AGBL4: variants seen among roughly 807,000 people sequenced by gnomAD.
The protein encoded by AGBL4 is cytosolic carboxypeptidase 6.
In AGBL4, 58 loss-of-function variants were observed where a neutral mutation model predicts 66.4. The ratio of observed to expected loss-of-function variants is 0.87; its 90% CI spans 0.71 to 1.09. The LOEUF is 1.09. Ranked by LOEUF, AGBL4 falls within the 50% of genes least tolerant of loss-of-function variation. The pLI is 0.00. For missense variants in AGBL4, 579 were observed against 631.0 expected, an observed-to-expected ratio of 0.92 and a Z score of 0.88; for synonymous variants, 234 against 222.9, an observed-to-expected ratio of 1.05 and a Z score of -0.44.
chr1:48,880,220 G>C (rs995025783), intron 5 of AGBL4, among the ~76,000 whole-genome samples: 1 of 152,092 alleles, frequency 6.6e-6, no homozygotes, highest in South Asian at 2.1e-4. Flanking sequence ...TGTGATGTTT[G>C]GTTTTTCATT....
chr1:48,527,531 A>C, the AGBL4 span, among the ~76,000 whole-genome samples: 1 of 151,642 alleles, frequency 6.6e-6, no homozygotes, highest in Non-Finnish European at 1.5e-5. Flanking sequence ...CAGGAGGCAG[A>C]GATTGCAGTG....
At chr1:49,017,175 G>C (rs751826959) in intron 5 of AGBL4, among the ~76,000 whole-genome samples, 3 of 152,168 alleles carry the variant, frequency 2.0e-5, no homozygotes, top group Non-Finnish European at 4.4e-5. Flanking sequence ...AAAAATGCAC[G>C]CATGTACTAG....
In AGBL4 at chr1:48,536,616, T is replaced by C. The variant is rs1398999442; in HGVS notation, c.1365-1700A>G. ...AGGACTGGCACGTAGTGGGCTCCAG[T>C]GTGTTGAGGAGCTGACAAGCCCCGT... On this transcript the variant is annotated intron_variant, in intron 12 of 13. Transcript: ENST00000371839. 2.0e-5 allele frequency among the ~76,000 whole-genome samples: 3 copies of C among 152,180 alleles called. No individual in the cohort carries two copies. In the East Asian group the frequency reaches 5.8e-4, roughly 29 times the overall value.
chr1:49,195,041 T>C (rs1647200962), intron 4 of AGBL4, among the ~76,000 whole-genome samples: 5 of 151,982 alleles, frequency 3.3e-5, no homozygotes, highest in Admixed American at 3.3e-4. Flanking sequence ...GGAGTCTTGC[T>C]TTTTTGCCCA....
At chr1:49,347,035 A>G (rs534125521) in intron 3 of AGBL4, among the ~76,000 whole-genome samples, 2 of 152,304 alleles carry the variant, frequency 1.3e-5, no homozygotes, top group South Asian at 4.1e-4. Flanking sequence ...AAGCATTCTT[A>G]GTTTAAGTTT....
At chr1:49,261,703 A>G (rs1347585759) in intron 3 of AGBL4, among the ~76,000 whole-genome samples, 9 of 151,152 alleles carry the variant, frequency 6.0e-5, no homozygotes, top group African/African-American at 2.2e-4. Flanking sequence ...ATGGGTAGGA[A>G]GAATCAATAT....
At chr1:49,165,549 A>C (rs1416704363) in intron 4 of AGBL4, among the ~76,000 whole-genome samples, 1 of 152,000 alleles carries the variant, frequency 6.6e-6, no homozygotes, top group East Asian at 1.9e-4. Context: ...TATGAACTCC[A>C]AAATTGGAAG....
chr1:48,663,325 G>A (rs1393115589), intron 6 of AGBL4, 84 bp from the exon 7 acceptor site: 12 of 1,285,052 alleles, frequency 9.3e-6, no homozygotes, highest in Admixed American at 5.1e-5. Flanking sequence ...GAACCCCAGA[G>A]GGAATGGGCT....
At chr1:49,185,527 A>G (rs955824180) in intron 4 of AGBL4, among the ~76,000 whole-genome samples, 1 of 152,206 alleles carries the variant, frequency 6.6e-6, no homozygotes, top group African/African-American at 2.4e-5. Context: ...AAATGTTTCA[A>G]TGTGTCTATA....
At chr1:49,960,913 A>C (rs1049509868) in intron 1 of AGBL4, among the ~76,000 whole-genome samples, 2 of 152,048 alleles carry the variant, frequency 1.3e-5, no homozygotes, top group Non-Finnish European at 2.9e-5. Context: ...TATTACATGA[A>C]TATTTGTGAG....
intron 6 of AGBL4, among the ~76,000 whole-genome samples, chr1:48,824,219 A>C (rs748973382): frequency 1.6e-4 from 25 of 152,244 alleles, no homozygotes; most frequent in African/African-American, 6.0e-4. Context: ...TGGGGGAGTC[A>C]TATATAAGAT....
At chr1:49,407,967 C>T (rs1645239277) in intron 3 of AGBL4, among the ~76,000 whole-genome samples, 1 of 152,168 alleles carries the variant, frequency 6.6e-6, no homozygotes, top group Admixed American at 6.5e-5. Flanking sequence ...CCTCAGTCTA[C>T]AGTTGGCTAA....
intron 5 of AGBL4, among the ~76,000 whole-genome samples, chr1:48,952,787 A>T (rs1460667669): frequency 6.6e-6 from 1 of 152,214 alleles, no homozygotes; most frequent in Non-Finnish European, 1.5e-5. Flanking sequence ...TGGGCCACAC[A>T]CAGTCCAAGA....
At chr1:49,803,691 C>T (rs893143580) in intron 2 of AGBL4, among the ~76,000 whole-genome samples, 6 of 152,140 alleles carry the variant, frequency 3.9e-5, no homozygotes, top group East Asian at 1.9e-4. Flanking sequence ...CTCAACGTGT[C>T]GCTGACATAA....
intron 3 of AGBL4, among the ~76,000 whole-genome samples, chr1:49,504,813 T>G (rs1570897956): frequency 6.6e-6 from 1 of 152,158 alleles, no homozygotes; most frequent in South Asian, 2.1e-4. Flanking sequence ...CTATGGCTTT[T>G]GATTGGAGAA....
chr1:49,332,618 A>C (rs565944866), intron 3 of AGBL4, among the ~76,000 whole-genome samples: 241 of 152,354 alleles, frequency 1.6e-3, no homozygotes, highest in African/African-American at 5.6e-3. Flanking sequence ...TTTCACAGGG[A>C]AAATAAATTA....
chr1:49,085,973 T>C (rs976658971), intron 4 of AGBL4, among the ~76,000 whole-genome samples: 2 of 152,168 alleles, frequency 1.3e-5, no homozygotes, highest in East Asian at 3.9e-4. Context: ...ATAGTAAGAT[T>C]GGAGCAAGAT....
At chr1:49,140,786 CCTTTT>C (rs1319070331) in intron 4 of AGBL4, among the ~76,000 whole-genome samples, 2 of 152,140 alleles carry the variant, frequency 1.3e-5, no homozygotes, top group Non-Finnish European at 2.9e-5. Context: ...AGATCTTTTT[CCTTTT>C]CTTTTATTTT....
rs4347252 is a variant in AGBL4, at chr1:49,981,271, A to T, written c.34+42492T>A. Among the ~76,000 whole-genome samples the T allele has an allele frequency of 5.2e-3, 789 of 152,314 alleles. 5 individuals are homozygous for T. Among genetic ancestry groups the T allele is most frequent in the Non-Finnish European group, 6.7e-3 (454 of 68,010 alleles). On this transcript the variant is annotated intron_variant, in intron 1 of 13. Coordinates refer to ENST00000371839, the MANE Select transcript of AGBL4 (RefSeq NM_032785.4). ...AAGAAAGCAAACCTGGAAAATGTAG[A>T]CAATGCATTATTTTTGTAGTTTATG... is the stretch of plus-strand genomic sequence containing the variant.
Sources: allele counts gnomAD v4.1 joint callset (sites outside exome capture counted in the v4.1 genomes callset), GRCh38; gene constraint gnomAD v4.1.1; transcripts MANE v1.5; gene names NCBI Gene and HGNC (gene_info 2026-07-23, HGNC 2026-07-21).